NBAS: variants seen among roughly 807,000 people sequenced by gnomAD.
The protein encoded by NBAS is NBAS subunit of NRZ tethering complex.
In NBAS, 219 loss-of-function variants were observed where a neutral mutation model predicts 302.5. The ratio of observed to expected loss-of-function variants is 0.72; its 90% CI spans 0.65 to 0.81. The LOEUF (loss-of-function observed/expected upper bound fraction) is 0.81, where lower values mean the gene tolerates loss of function less well. Among genes scored for constraint, NBAS ranks in the 30% least tolerant of loss-of-function variants. The probability of loss-of-function intolerance (pLI) is 0.00; values close to 1 mark genes in which losing one functional copy is unlikely to be tolerated. For missense variants in NBAS, 2,932 were observed against 2,841.6 expected (o/e 1.03, Z -0.72); for synonymous variants, 1,118 against 1,021.6 (o/e 1.09, Z -1.80).
At chr2:15,033,596 T>A in the NBAS span, among the ~76,000 whole-genome samples, 2 of 152,094 alleles carry the variant, frequency 1.3e-5, no homozygotes, top group Non-Finnish European at 2.9e-5. Flanking sequence ...GTGATGGTAT[T>A]TGGGGATAGG....
the NBAS span, among the ~76,000 whole-genome samples, chr2:14,929,322 G>A: frequency 3.9e-5 from 6 of 152,178 alleles, no homozygotes; most frequent in African/African-American, 1.2e-4. Context: ...TTTTCTCCAT[G>A]AGAACAAGGA....
the NBAS span, among the ~76,000 whole-genome samples, chr2:15,044,358 C>T: frequency 2.0e-5 from 3 of 152,180 alleles, no homozygotes; most frequent in African/African-American, 4.8e-5. Flanking sequence ...AGCTCAGAAA[C>T]CCCCCGGTCC....
the NBAS span, among the ~76,000 whole-genome samples, chr2:15,025,581 CTT>C: frequency 1.3e-5 from 2 of 152,156 alleles, no homozygotes; most frequent in African/African-American, 4.8e-5. Context: ...TATATTGATT[CTT>C]CTTATCCATG....
At chr2:15,385,679 G>A (rs927091442) in intron 28 of NBAS, among the ~76,000 whole-genome samples, 7 of 152,142 alleles carry the variant, frequency 4.6e-5, no homozygotes, top group Non-Finnish European at 7.4e-5. Context: ...GTGAAGATTT[G>A]CTGACATCTG....
intron 41 of NBAS, among the ~76,000 whole-genome samples, chr2:15,290,072 TA>T (rs1413075853): frequency 2.3e-5 from 2 of 88,050 alleles, no homozygotes; most frequent in Non-Finnish European, 4.5e-5. Flanking sequence ...GGAGAGGGGA[TA>T]GGGGAGAGAG....
chr2:14,791,002 T>C, the NBAS span, among the ~76,000 whole-genome samples: 4 of 152,256 alleles, frequency 2.6e-5, no homozygotes, highest in East Asian at 7.7e-4. Flanking sequence ...ATTACAGACA[T>C]GTGCCACTAC....
intron 44 of NBAS, among the ~76,000 whole-genome samples, chr2:15,239,593 A>G (rs1038978874): frequency 6.6e-6 from 1 of 151,886 alleles, no homozygotes; most frequent in Non-Finnish European, 1.5e-5. Context: ...AAAGTTTCAG[A>G]TATTGGAGCA....
intron 9 of NBAS, among the ~76,000 whole-genome samples, chr2:15,526,991 A>G (rs1662939950): frequency 6.6e-6 from 1 of 152,174 alleles, no homozygotes; most frequent in African/African-American, 2.4e-5. Context: ...TCAAATATTG[A>G]CTTTTGTAAC....
chr2:15,473,973 T>C, intron 15 of NBAS, 94 bp downstream of exon 15: 2 of 1,492,142 alleles, frequency 1.3e-6, no homozygotes, highest in Non-Finnish European at 1.8e-6. Flanking sequence ...ACATCCCTCT[T>C]GAAATTTTCT....
chr2:14,968,032 G>A, the NBAS span, among the ~76,000 whole-genome samples: 1 of 152,068 alleles, frequency 6.6e-6, no homozygotes, highest in African/African-American at 2.4e-5. Flanking sequence ...TAAAGGACAA[G>A]CCAATCTTCT....
chr2:14,941,487 G>A, the NBAS span, among the ~76,000 whole-genome samples: 1,509 of 152,296 alleles, frequency 9.9e-3, 22 homozygotes, highest in African/African-American at 0.033. Flanking sequence ...AGCTTCAAAC[G>A]CATCCGTTCT....
At chr2:15,476,455 G>C (rs1163756825) in intron 13 of NBAS, among the ~76,000 whole-genome samples, 2 of 152,166 alleles carry the variant, frequency 1.3e-5, no homozygotes, top group Non-Finnish European at 2.9e-5. Flanking sequence ...GGGCACAGTG[G>C]TTCACGCCTG....
At chr2:14,803,426 T>C in the NBAS span, among the ~76,000 whole-genome samples, 10 of 152,196 alleles carry the variant, frequency 6.6e-5, no homozygotes, top group Non-Finnish European at 1.5e-4. Context: ...GTACTCTCAC[T>C]ACCTTGGCCT....
chr2:15,457,111 A>G (rs1679281352), intron 21 of NBAS, among the ~76,000 whole-genome samples: 1 of 152,188 alleles, frequency 6.6e-6, no homozygotes. Context: ...GAACAGCCAG[A>G]GGCCTGTGTG....
the NBAS span, among the ~76,000 whole-genome samples, chr2:15,020,288 A>T: frequency 1.3e-5 from 2 of 152,236 alleles, no homozygotes; most frequent in African/African-American, 4.8e-5. Flanking sequence ...GGTGCATAGA[A>T]TTTTTGAGTG....
chr2:14,856,871 AG>A, the NBAS span, among the ~76,000 whole-genome samples: 1 of 152,108 alleles, frequency 6.6e-6, no homozygotes, highest in Non-Finnish European at 1.5e-5. Flanking sequence ...ATTGGAAAAA[AG>A]GTATTCAAAT....
intron 21 of NBAS, among the ~76,000 whole-genome samples, chr2:15,451,725 C>A (rs1679022930): frequency 6.6e-6 from 1 of 152,028 alleles, no homozygotes; most frequent in Non-Finnish European, 1.5e-5. Flanking sequence ...CTATTCAAAT[C>A]CACAAGAGTA....
At chr2:15,403,596 A>G (rs1676255540) in intron 25 of NBAS, among the ~76,000 whole-genome samples, 1 of 152,176 alleles carries the variant, frequency 6.6e-6, no homozygotes, top group South Asian at 2.1e-4. Context: ...GGTTATCACA[A>G]ATACTACACC....
intron 31 of NBAS, among the ~76,000 whole-genome samples, chr2:15,367,419 G>A (rs150062193): frequency 4.7e-4 from 72 of 152,244 alleles, no homozygotes; most frequent in African/African-American, 1.7e-3. Context: ...CAACAACTAC[G>A]ATAATAGCAA....
Sources: allele counts gnomAD v4.1 joint callset (sites outside exome capture counted in the v4.1 genomes callset), GRCh38; gene constraint gnomAD v4.1.1; transcripts MANE v1.5; gene names NCBI Gene and HGNC (gene_info 2026-07-23, HGNC 2026-07-21).